Variants in MYO5B observed in about 807,000 individuals in gnomAD.
MYO5B encodes unconventional myosin-Vb.
In MYO5B, 143 loss-of-function variants were observed where a neutral mutation model predicts 229.3. The observed-to-expected ratio is 0.62, with a 90% CI of 0.54 to 0.72. MYO5B has a LOEUF of 0.72. Among genes scored for constraint, MYO5B ranks in the 30% least tolerant of loss-of-function variants. The pLI, the probability that MYO5B is intolerant of heterozygous loss-of-function variation, is 0.00. For missense variants in MYO5B, 2,321 were observed against 2,331.0 expected, an observed-to-expected ratio of 1.00 and a Z score of 0.09; for synonymous variants, 918 against 885.2, an observed-to-expected ratio of 1.04 and a Z score of -0.66.
At chr18:50,178,406 A>G (rs904046869) in intron 1 of MYO5B, among the ~76,000 whole-genome samples, 7 of 152,240 alleles carry the variant, frequency 4.6e-5, no homozygotes, top group African/African-American at 1.4e-4. Context: ...GTGAATAACT[A>G]CGTAAAAAAA....
chr18:49,839,848 G>A (rs756913138), intron 35 of MYO5B: 4 of 172,710 alleles, frequency 2.3e-5, no homozygotes, highest in Admixed American at 1.6e-4. Context: ...TGTAAGTTAA[G>A]GGAACTGCTG....
chr18:50,060,827 G>A (rs1196719282), intron 1 of MYO5B, among the ~76,000 whole-genome samples: 3 of 152,134 alleles, frequency 2.0e-5, no homozygotes, highest in Non-Finnish European at 4.4e-5. Flanking sequence ...CCCATTGCCA[G>A]GCAACACCCC....
intron 1 of MYO5B, among the ~76,000 whole-genome samples, chr18:50,071,163 G>A (rs1306893630): frequency 6.6e-6 from 1 of 152,150 alleles, no homozygotes; most frequent in Non-Finnish European, 1.5e-5. Context: ...TCCTGCCAGT[G>A]GGCCTTGCTC....
chr18:49,861,323 T>A (rs1326958493), intron 29 of MYO5B, among the ~76,000 whole-genome samples: 2 of 152,174 alleles, frequency 1.3e-5, no homozygotes, highest in Admixed American at 6.5e-5. Flanking sequence ...GGGGTCTGGA[T>A]CCCTGACAAC....
intron 3 of MYO5B, 149 bp downstream of exon 3, chr18:50,039,994 T>C (rs991678853): frequency 2.3e-6 from 2 of 875,784 alleles, no homozygotes; most frequent in African/African-American, 1.7e-5. Flanking sequence ...TAAGCCACAT[T>C]CACTGATTGC....
At position 50,072,028 on chromosome 18, in the gene MYO5B, G is replaced by T. The variant is rs139010385; in HGVS notation, c.28-16650C>A. The stretch of plus-strand genomic sequence containing the variant: ...CTAAGGCTTGGGCTAAAGGGAAATA[G>T]GAGCTAGAAGTCATCAAGGTCTCCT... On this transcript the variant is annotated intron_variant, in intron 1 of 39. Coordinates refer to ENST00000285039, the MANE Select transcript of MYO5B (RefSeq NM_001080467.3). 3.3e-5 allele frequency among the ~76,000 whole-genome samples: 5 copies of T among 152,288 alleles called. No homozygotes were observed. In the East Asian group the frequency reaches 9.7e-4, roughly 29 times the overall value.
chr18:49,876,861 C>T lies in MYO5B; in HGVS notation c.3396+902G>A, dbSNP rs78383871. ...CCTCCTTCTCTCCCTCCACCCTCTG[C>T]TCCAGCATTCTCTATTGCTGATGGT... On this transcript the variant is annotated intron_variant, in intron 25 of 39. Coordinates refer to ENST00000285039, the MANE Select transcript of MYO5B (RefSeq NM_001080467.3). Among the ~76,000 whole-genome samples the T allele has an allele frequency of 4.7e-3, 712 of 152,360 alleles. 1 individual carries two copies. The highest frequency in any genetic ancestry group is 7.3e-3 in the Non-Finnish European group (495 of 68,034).
At position 50,108,398 on chromosome 18, in the gene MYO5B, T is replaced by C. The variant is rs372060617; in HGVS notation, c.28-53020A>G. ...TGTCCCTATGTGTTGCCAGAGTCCATTCATTCGCGCTATTGTGTGCTATTC... is the reference window on the plus strand; with the variant it reads ...TGTCCCTATGTGTTGCCAGAGTCCACTCATTCGCGCTATTGTGTGCTATTC... On this transcript the variant is annotated intron_variant, in intron 1 of 39. Transcript: ENST00000285039. 9.2e-5 allele frequency among the ~76,000 whole-genome samples: 14 copies of C among 152,348 alleles called. No individual in the cohort carries two copies. In the East Asian group the frequency reaches 1.9e-3, roughly 21 times the overall value.
At chr18:49,851,119 A>G (rs943992460) in intron 31 of MYO5B, 2 of 152,220 alleles carry the variant, frequency 1.3e-5, no homozygotes, top group African/African-American at 4.8e-5. Flanking sequence ...TCTAATGCCT[A>G]TTTGCAGCAT....
chr18:49,915,686 A>G (rs773359661), intron 17 of MYO5B, among the ~76,000 whole-genome samples: 2 of 152,240 alleles, frequency 1.3e-5, no homozygotes, highest in Non-Finnish European at 2.9e-5. Flanking sequence ...CTAGCTACAT[A>G]TTGTTTTAAT....
In MYO5B at chr18:49,867,734, T is replaced by C. The variant is rs1157519816; in HGVS notation, c.3604-3354A>G. On this transcript the variant is annotated intron_variant, in intron 27 of 39. Transcript: ENST00000285039. ...AATAAGGGTTCATTGAAATTCTATA[T>C]ATAGTCAACACTATACCACCATTCT... 2.0e-5 allele frequency among the ~76,000 whole-genome samples: 3 copies of C among 149,338 alleles called. No homozygotes were observed. In the East Asian group the frequency reaches 5.8e-4, roughly 29 times the overall value.
intron 1 of MYO5B, among the ~76,000 whole-genome samples, chr18:50,118,242 G>A (rs1490118947): frequency 4.6e-5 from 7 of 152,212 alleles, no homozygotes; most frequent in Admixed American, 4.6e-4. Context: ...GGCAAACTAG[G>A]ATGGTTGGTC....
chr18:49,853,544 G>T lies in MYO5B; in HGVS notation c.4126C>A (p.Gln1376Lys), dbSNP rs990825035. Residue 1376 changes from glutamine to lysine, a missense_variant, in exon 31 of 40, where the codon CAG (glutamine) becomes AAG (lysine). Coordinates refer to ENST00000285039, the MANE Select transcript of MYO5B (RefSeq NM_001080467.3). Reference protein sequence around the residue: ...EALKEEMDKQQQTFCQTLLLS... With the variant: ...EALKEEMDKQKQTFCQTLLLS... Reference sequence around the variant, plus strand: ...AGTAGCGTCTGGCAGAAGGTCTGCTGCTGTTTGTCCATCTCCTCCTTCAGG... The same window carrying T: ...AGTAGCGTCTGGCAGAAGGTCTGCTTCTGTTTGTCCATCTCCTCCTTCAGG... The T allele has an allele frequency of 1.9e-6, 3 of 1,614,076 alleles. No individual in the cohort carries two copies. The highest frequency in any genetic ancestry group is 1.7e-6 in the Non-Finnish European group (2 of 1,180,052).
chr18:49,847,259 T>C lies in MYO5B; in HGVS notation c.4346A>G (p.Lys1449Arg). Residue 1449 changes from lysine to arginine, a missense_variant, in exon 33 of 40, where the codon AAG (lysine) becomes AGG (arginine). Physicochemically the swap from Lys to Arg is conservative, Grantham distance 26. Around this residue, in one of 2 missense-constraint regions of MYO5B, gnomAD observed 2,113 missense variants for 2,044.7 expected, o/e 1.03. Coordinates refer to ENST00000285039, the MANE Select transcript of MYO5B (RefSeq NM_001080467.3). ...GACCTGCCTGTTGAGCTCATGGCGC[T>C]TCCTCTCACTCTGGGCCAATGCCTG... Reference protein sequence around the residue: ...AAQALAQSERKRHELNRQVTV... With the variant: ...AAQALAQSERRRHELNRQVTV... 3 of 1,613,816 alleles carry C rather than the reference T, an allele frequency of 1.9e-6. No individual in the cohort carries two copies. Among genetic ancestry groups the C allele is most frequent in the East Asian group, 2.2e-5 (1 of 44,880 alleles).
chr18:50,126,897 G>T (rs760944466), intron 1 of MYO5B, among the ~76,000 whole-genome samples: 20 of 152,164 alleles, frequency 1.3e-4, no homozygotes, highest in Non-Finnish European at 2.5e-4. Flanking sequence ...GTAAAATAGG[G>T]TTATTAAATG....
intron 23 of MYO5B, among the ~76,000 whole-genome samples, chr18:49,879,943 C>G (rs923855929): frequency 6.6e-6 from 1 of 152,328 alleles, no homozygotes. Context: ...CCAGCAATGA[C>G]GACAGCTCCT....
At chr18:50,092,237 A>G (rs1599014743) in intron 1 of MYO5B, among the ~76,000 whole-genome samples, 1 of 152,250 alleles carries the variant, frequency 6.6e-6, no homozygotes, top group Non-Finnish European at 1.5e-5. Flanking sequence ...GAGAAAAATG[A>G]TAAGCCAAAA....
chr18:49,916,253 T>C (rs1002100715), intron 17 of MYO5B, among the ~76,000 whole-genome samples: 1 of 152,230 alleles, frequency 6.6e-6, no homozygotes, highest in Non-Finnish European at 1.5e-5. Context: ...GACAGATCCA[T>C]ACTCAAGGAA....
intron 2 of MYO5B, among the ~76,000 whole-genome samples, chr18:50,051,202 A>G (rs2030383572): frequency 6.6e-6 from 1 of 152,234 alleles, no homozygotes; most frequent in Non-Finnish European, 1.5e-5. Context: ...TTGATAAAAT[A>G]TACTTTAAAC....
Sources: gnomAD v4.1 joint callset for allele counts (sites outside exome capture counted in the v4.1 genomes callset) on GRCh38, gnomAD v4.1.1 for gene constraint, gnomAD v4.1.1 regional missense constraint, MANE v1.5 for transcripts, NCBI Gene and HGNC (gene_info 2026-07-23, HGNC 2026-07-21) for gene names.